PHLDB2: variants seen among roughly 807,000 people sequenced by gnomAD.
PHLDB2 encodes the protein pleckstrin homology like domain family B member 2, also known as pleckstrin homology-like domain family B member 2.
Under a neutral mutation model 123.6 loss-of-function variants are expected in PHLDB2, and 71 were observed. That is an observed-to-expected ratio of 0.57 (90% CI 0.47 to 0.70). PHLDB2 has a LOEUF of 0.70. Ranked by LOEUF, PHLDB2 falls within the 30% of genes least tolerant of loss-of-function variation. The probability of loss-of-function intolerance (pLI) is 0.00; values close to 1 mark genes in which losing one functional copy is unlikely to be tolerated. For synonymous variants in PHLDB2, 547 were observed against 541.6 expected, an observed-to-expected ratio of 1.01 and a Z score of -0.14; for missense variants, 1,446 against 1,519.5, an observed-to-expected ratio of 0.95 and a Z score of 0.80.
chr3:111,962,397 A>G (rs2071457461), intron 13 of PHLDB2, 85 bp downstream of exon 13: 2 of 1,353,132 alleles, frequency 1.5e-6, no homozygotes, highest in Non-Finnish European at 2.0e-6. Flanking sequence ...TGGGAACTGT[A>G]TATGCACAAG....
intron 3 of PHLDB2, among the ~76,000 whole-genome samples, 155 bp from the exon 4 acceptor site, chr3:111,918,917 A>G (rs1455281994): frequency 1.3e-5 from 2 of 152,238 alleles, no homozygotes; most frequent in Non-Finnish European, 2.9e-5. Context: ...GGAAAAACAC[A>G]TCAGAGCTCC....
chr3:111,839,222 T>C (rs1308996728), intron 1 of PHLDB2, among the ~76,000 whole-genome samples: 1 of 151,906 alleles, frequency 6.6e-6, no homozygotes, highest in Non-Finnish European at 1.5e-5. Context: ...AACATTAGAG[T>C]CAGAAAAACT....
At chr3:111,780,728 A>G (rs2060443746) in intron 1 of PHLDB2, among the ~76,000 whole-genome samples, 1 of 152,082 alleles carries the variant, frequency 6.6e-6, no homozygotes, top group Non-Finnish European at 1.5e-5. Context: ...AGGTAAAATT[A>G]TGATGGGTTA....
At chr3:111,974,034 G>A (rs1052719346) in intron 17 of PHLDB2, among the ~76,000 whole-genome samples, 3 of 152,124 alleles carry the variant, frequency 2.0e-5, no homozygotes, top group Admixed American at 2.0e-4. Context: ...TGGACATAAT[G>A]GTTTGGGAAA....
At chr3:111,761,183 C>CAA (rs60999461) in intron 1 of PHLDB2, among the ~76,000 whole-genome samples, 1 of 111,324 alleles carries the variant, frequency 9.0e-6, no homozygotes, top group African/African-American at 3.2e-5. Flanking sequence ...GACTCCATCT[C>CAA]AAAAAAAAAA....
chr3:111,974,574 C>G lies in PHLDB2; in HGVS notation c.*11C>G. 6.2e-7 allele frequency: 1 copy of G among 1,605,942 alleles called. No individual in the cohort carries two copies. The highest frequency in any genetic ancestry group is 8.5e-7 in the Non-Finnish European group (1 of 1,176,214). ...CACTTCTTGTTGTAGTGAACTGAGG[C>G]AACAGTCCACTTCAGGGCAGACGGC... On this transcript the variant is annotated 3_prime_UTR_variant, in exon 18 of 18. Transcript: ENST00000431670.
chr3:111,974,529 C>G lies in PHLDB2; in HGVS notation c.3728C>G (p.Thr1243Arg), dbSNP rs1420162205. 9.9e-6 allele frequency: 16 copies of G among 1,613,108 alleles called. No individual in the cohort carries two copies. Among genetic ancestry groups the G allele is most frequent in the Non-Finnish European group, 1.4e-5 (16 of 1,179,566 alleles). The change falls in exon 18 of 18, where the codon ACG (threonine) becomes AGG (arginine). Residue 1243 changes from threonine to arginine, a missense_variant. By Grantham distance (71) the Thr-to-Arg change is moderately conservative. Around this residue, in one of 3 missense-constraint regions of PHLDB2, gnomAD observed 594 missense variants for 646.0 expected, o/e 0.92. Transcript: ENST00000431670. Reference sequence around the variant, plus strand: ...CGGATCTGGATGGATGTTATAGTTACGGGGGCAGAAGGTTACACTCACTTC... The same window carrying G: ...CGGATCTGGATGGATGTTATAGTTAGGGGGGCAGAAGGTTACACTCACTTC... ...AMRIWMDVIVTGAEGYTHFLL is the reference protein window; with the variant it reads ...AMRIWMDVIVRGAEGYTHFLL
At chr3:111,826,070 A>G (rs7629504) in intron 1 of PHLDB2, among the ~76,000 whole-genome samples, 32,001 of 151,930 alleles carry the variant, frequency 0.21, 5,292 homozygotes, top group African/African-American at 0.44. Flanking sequence ...GAGAGGCTGA[A>G]GTGGGAGGAT....
At chr3:111,751,747 G>A (rs1178838509) in intron 1 of PHLDB2, among the ~76,000 whole-genome samples, 1 of 151,452 alleles carries the variant, frequency 6.6e-6, no homozygotes, top group Non-Finnish European at 1.5e-5. Flanking sequence ...TAAATGACGA[G>A]TTAATGGGTG....
At chr3:111,929,283 AT>A (rs200314732) in intron 5 of PHLDB2, among the ~76,000 whole-genome samples, 288 of 151,846 alleles carry the variant, frequency 1.9e-3, no homozygotes, top group African/African-American at 6.7e-3. Flanking sequence ...TTTTTAATTC[AT>A]TTTTTTTCCT....
At chr3:111,857,560 G>A (rs2064576461), upstream of PHLDB2, among the ~76,000 whole-genome samples, 1 of 152,092 alleles carries the variant, frequency 6.6e-6, no homozygotes, top group Non-Finnish European at 1.5e-5. Context: ...AGATGACGTG[G>A]GTGAGAAAAG....
chr3:111,910,657 G>A (rs1037116966), intron 2 of PHLDB2, among the ~76,000 whole-genome samples: 6 of 152,196 alleles, frequency 3.9e-5, no homozygotes, highest in Admixed American at 3.9e-4. Context: ...GGGTCATGCA[G>A]GTTGCAGGCT....
chr3:111,953,889 G>C lies in PHLDB2; in HGVS notation c.2773-41G>C, dbSNP rs201456762. On this transcript the variant is annotated intron_variant, in intron 11 of 17. Coordinates refer to ENST00000431670, the MANE Select transcript of PHLDB2 (RefSeq NM_001134438.2). ...TGGCCATTTCCTAAAGGTCCATTCA[G>C]CCTGCAGCTTGCCTGAAGTACTCCC... is the stretch of plus-strand genomic sequence containing the variant. The C allele has an allele frequency of 6.6e-6, 10 of 1,518,250 alleles. No individual in the cohort carries two copies. The African/African-American group carries it at 1.4e-4, about 21-fold the overall frequency. 94.0% of individuals were successfully genotyped at this position (1,518,250 alleles called of 1,614,324 possible).
intron 1 of PHLDB2, among the ~76,000 whole-genome samples, chr3:111,820,276 T>C (rs1291171917): frequency 1.3e-5 from 2 of 152,182 alleles, no homozygotes; most frequent in African/African-American, 4.8e-5. Context: ...TGAGTCGAAA[T>C]AGTTCAAAGT....
At chr3:111,748,422 AG>A (rs2059714953) in intron 1 of PHLDB2, among the ~76,000 whole-genome samples, 2 of 152,192 alleles carry the variant, frequency 1.3e-5, no homozygotes, top group South Asian at 4.1e-4. Flanking sequence ...CTGAAATAGG[AG>A]GGCAGGGCAG....
At chr3:111,776,751 T>A (rs2060273702) in intron 1 of PHLDB2, among the ~76,000 whole-genome samples, 1 of 152,130 alleles carries the variant, frequency 6.6e-6, no homozygotes, top group Non-Finnish European at 1.5e-5. Context: ...GGTAATTCAA[T>A]AACGTGTACT....
At chr3:111,955,657 T>C (rs2071007866) in intron 12 of PHLDB2, among the ~76,000 whole-genome samples, 1 of 152,100 alleles carries the variant, frequency 6.6e-6, no homozygotes, top group Non-Finnish European at 1.5e-5. Context: ...TTTGTCATGT[T>C]TCCCAGGATG....
intron 1 of PHLDB2, among the ~76,000 whole-genome samples, chr3:111,832,193 ACAGCAC>A (rs150125410): frequency 0.038 from 5,762 of 152,196 alleles, 371 homozygotes; most frequent in African/African-American, 0.13. Context: ...ACCCTTTGGT[ACAGCAC>A]CACTTCATAC....
At chr3:111,876,763 C>G (rs2065645536) in intron 1 of PHLDB2, among the ~76,000 whole-genome samples, 1 of 152,086 alleles carries the variant, frequency 6.6e-6, no homozygotes, top group Non-Finnish European at 1.5e-5. Context: ...ATATTCCCCT[C>G]CCTGTGTCCA....
Sources: allele counts gnomAD v4.1 joint callset (sites outside exome capture counted in the v4.1 genomes callset), GRCh38; gene constraint gnomAD v4.1.1; regional missense constraint gnomAD v4.1.1; transcripts MANE v1.5; gene names NCBI Gene and HGNC (gene_info 2026-07-23, HGNC 2026-07-21).